CHCHD4: variants seen among roughly 807,000 people sequenced by gnomAD.
CHCHD4 encodes mitochondrial intermembrane space import and assembly protein 40.
In CHCHD4, 7 loss-of-function variants were observed where a neutral mutation model predicts 12.4. That is an observed-to-expected ratio of 0.57 (90% CI 0.32 to 1.06). The LOEUF (loss-of-function observed/expected upper bound fraction) is 1.06, where lower values mean the gene tolerates loss of function less well. Ranked by LOEUF, CHCHD4 falls within the 50% of genes least tolerant of loss-of-function variation. The pLI, the probability that CHCHD4 is intolerant of heterozygous loss-of-function variation, is 0.04. For missense variants in CHCHD4, 143 were observed against 175.1 expected, an observed-to-expected ratio of 0.82 and a Z score of 1.03; for synonymous variants, 56 against 58.0, an observed-to-expected ratio of 0.97 and a Z score of 0.16.
intron 1 of CHCHD4, among the ~76,000 whole-genome samples, chr3:14,118,651 T>C (rs1401102823): frequency 3.9e-5 from 6 of 152,292 alleles, no homozygotes; most frequent in South Asian, 2.1e-4. Flanking sequence ...TCTGCCTCAA[T>C]ACCTTGCATG....
rs1274001433 is a variant in CHCHD4, at chr3:14,112,198, G to C, written c.*689C>G. On this transcript the variant is annotated 3_prime_UTR_variant, in exon 3 of 3. Transcript: ENST00000396914. ...AGAACATTGCACCTGACTAGACTGA[G>C]AGCCAGTGTGAACATGGGCCCCAAA... 6.6e-6 allele frequency: 1 copy of C among 152,102 alleles called. No homozygotes were observed. The highest frequency in any genetic ancestry group is 2.4e-5 in the African/African-American group (1 of 41,414). 9.4% of individuals were successfully genotyped at this position (152,102 alleles called of 1,614,324 possible). A position where few individuals can be genotyped will look rare whatever the true frequency, so the allele number is the denominator to read the frequency against.
chr3:14,118,462 G>A (rs928548910), intron 1 of CHCHD4, among the ~76,000 whole-genome samples: 10 of 152,222 alleles, frequency 6.6e-5, no homozygotes, highest in African/African-American at 1.7e-4. Flanking sequence ...AACAAAAACC[G>A]AGCGACATCT....
At chr3:14,114,970 T>A (rs936068999) in intron 2 of CHCHD4, among the ~76,000 whole-genome samples, 3 of 152,172 alleles carry the variant, frequency 2.0e-5, no homozygotes, top group Non-Finnish European at 4.4e-5. Context: ...GCCCTCTTGA[T>A]GTTTTGATTC....
At chr3:14,124,581 CGCGGGGCGCCGGGGCCCGCG>C in intron 1 of CHCHD4, 54 bp downstream of exon 1, 4 of 1,384,936 alleles carry the variant, frequency 2.9e-6, no homozygotes, top group Non-Finnish European at 2.8e-6. Flanking sequence ...CCGGCGTGGT[CGCGGGGCGCCGGGGCCCGCG>C]TGTCTCCCGC....
intron 1 of CHCHD4, among the ~76,000 whole-genome samples, chr3:14,124,425 C>T (rs770029388): frequency 6.6e-5 from 10 of 152,206 alleles, no homozygotes; most frequent in Non-Finnish European, 1.3e-4. Flanking sequence ...GGTCAGGGTT[C>T]GGGCTTCACT....
intron 1 of CHCHD4, among the ~76,000 whole-genome samples, chr3:14,120,170 G>C (rs181689979): frequency 6.6e-6 from 1 of 151,974 alleles, no homozygotes; most frequent in Admixed American, 6.6e-5. Flanking sequence ...AGGACTTCAG[G>C]GTGGGGCTGA....
At chr3:14,121,969 C>T in intron 1 of CHCHD4, 1 of 1,614,114 alleles carries the variant, frequency 6.2e-7, no homozygotes, top group Non-Finnish European at 8.5e-7. Flanking sequence ...ATGAATACGA[C>T]ACAGGCATCC....
rs1694941962 is a variant in CHCHD4 at position 14,122,118 on chromosome 3, T to G, written c.22+2537A>C. On this transcript the variant is annotated intron_variant, in intron 1 of 2. Transcript: ENST00000396914. ...GGCAAAAGGAGGGTTTTAAGTAGTGTTCGCTCACACGTGTTTAGGATTGCA... is the reference window on the plus strand; with the variant it reads ...GGCAAAAGGAGGGTTTTAAGTAGTGGTCGCTCACACGTGTTTAGGATTGCA... The G allele has an allele frequency of 2.6e-6, 4 of 1,545,328 alleles. No homozygotes were observed. The Middle Eastern group carries it at 5.4e-4, about 209-fold the overall frequency.
rs549283768 is a variant in CHCHD4 at position 14,124,263 on chromosome 3, C to A, written c.22+392G>T. On this transcript the variant is annotated intron_variant, in intron 1 of 2. Transcript: ENST00000396914. The stretch of plus-strand genomic sequence containing the variant: ...TTTCGGGACGCGCCTTTTAAAGGCG[C>A]GTGCAAAATGTAAACACGTGGGGTA... Among the ~76,000 whole-genome samples, 4 of 152,282 alleles carry A rather than the reference C, an allele frequency of 2.6e-5. No homozygotes were observed. The East Asian group carries it at 5.8e-4, about 22-fold the overall frequency.
chr3:14,123,048 AG>A (rs962471861), intron 1 of CHCHD4, among the ~76,000 whole-genome samples: 2 of 69,042 alleles, frequency 2.9e-5, no homozygotes, highest in Non-Finnish European at 5.9e-5. Flanking sequence ...TGGGGGGCGG[AG>A]GGGGGGAAGT....
At chr3:14,121,942 G>C (rs1212047746) in intron 1 of CHCHD4, 22 of 1,613,736 alleles carry the variant, frequency 1.4e-5, no homozygotes, top group Admixed American at 3.3e-5. Flanking sequence ...CTCTGTGGTA[G>C]TACCTGGTGG....
chr3:14,116,697 GGATA>G (rs1342023442), intron 1 of CHCHD4, among the ~76,000 whole-genome samples, 173 bp from the exon 2 acceptor site: 1 of 151,982 alleles, frequency 6.6e-6, no homozygotes. Flanking sequence ...AAAAGCGGAT[GGATA>G]AGGGGCAGGG....
chr3:14,116,569 G>C (rs778967677), intron 1 of CHCHD4, 45 bp from the exon 2 acceptor site: 1 of 1,430,572 alleles, frequency 7.0e-7, no homozygotes, highest in Non-Finnish European at 9.9e-7. Flanking sequence ...TTCAAGAGCA[G>C]TGAATCAGCT....
intron 1 of CHCHD4, among the ~76,000 whole-genome samples, chr3:14,118,535 C>A (rs751750706): frequency 2.6e-5 from 4 of 152,228 alleles, no homozygotes; most frequent in Non-Finnish European, 4.4e-5. Flanking sequence ...GCCATGCCCA[C>A]ACTGCACAGG....
chr3:14,122,010 C>T (rs2124978514), intron 1 of CHCHD4: 2 of 1,613,660 alleles, frequency 1.2e-6, no homozygotes, highest in Non-Finnish European at 1.7e-6. Context: ...AGGGATCCTA[C>T]CTTTGTCCCT....
At chr3:14,124,399 G>A (rs991355534) in intron 1 of CHCHD4, among the ~76,000 whole-genome samples, 16 of 152,144 alleles carry the variant, frequency 1.1e-4, no homozygotes, top group African/African-American at 3.9e-4. Flanking sequence ...GACTTCCTAC[G>A]CACAGGCCCC....
At position 14,112,289 on chromosome 3, in the gene CHCHD4, G is replaced by C. The variant is rs1694829781; in HGVS notation, c.*598C>G. The stretch of plus-strand genomic sequence containing the variant: ...CTCCCTTCACTTAGAAAGGGATTAT[G>C]AATGGAAGGGTCCAAATCTTCATCA... On this transcript the variant is annotated 3_prime_UTR_variant, in exon 3 of 3. Transcript: ENST00000396914. The C allele has an allele frequency of 6.6e-6, 1 of 152,204 alleles. No individual in the cohort carries two copies. The highest frequency in any genetic ancestry group is 1.5e-5 in the Non-Finnish European group (1 of 68,082). The allele number at this position is 152,204 out of a possible 1,614,324, so 9.4% of individuals were successfully genotyped here. A position where few individuals can be genotyped will look rare whatever the true frequency, so the allele number is the denominator to read the frequency against.
intron 1 of CHCHD4, among the ~76,000 whole-genome samples, chr3:14,120,001 A>G (rs566968738): frequency 1.3e-5 from 2 of 152,282 alleles, no homozygotes; most frequent in Admixed American, 6.5e-5. Context: ...AATGTTTTGG[A>G]AATGGGAGAG....
rs1006968968 is a variant in CHCHD4 at position 14,124,729 on chromosome 3, C to A, written c.-53G>T. 4 of 1,509,244 alleles carry A rather than the reference C, an allele frequency of 2.7e-6. No individual in the cohort carries two copies. Among genetic ancestry groups the A allele is most frequent in the Non-Finnish European group, 3.5e-6 (4 of 1,129,530 alleles). 93.5% of individuals were successfully genotyped at this position (1,509,244 alleles called of 1,614,324 possible). A position where few individuals can be genotyped will look rare whatever the true frequency, so the allele number is the denominator to read the frequency against. ...AGAAGCGGCGGTGGCGGCAGCTGCA[C>A]CTTTACGCCGTGACCTCCCTCTCCT... On this transcript the variant is annotated 5_prime_UTR_variant, in exon 1 of 3. Transcript: ENST00000396914.
Sources: gnomAD v4.1 joint callset for allele counts (sites outside exome capture counted in the v4.1 genomes callset) on GRCh38, gnomAD v4.1.1 for gene constraint, MANE v1.5 for transcripts, NCBI Gene and HGNC (gene_info 2026-07-23, HGNC 2026-07-21) for gene names.